WWOX: variants seen among roughly 807,000 people sequenced by gnomAD.
The protein encoded by WWOX is WW domain-containing oxidoreductase.
In WWOX, 69 loss-of-function variants were observed where a neutral mutation model predicts 46.2. The ratio of observed to expected loss-of-function variants is 1.49; its 90% CI spans 1.23 to 1.82. The LOEUF (loss-of-function observed/expected upper bound fraction) is 1.82, where lower values mean the gene tolerates loss of function less well. Ranked by LOEUF, WWOX falls within the 40% of genes most tolerant of loss-of-function variation. The pLI is 0.00. For synonymous variants in WWOX, 359 were observed against 202.6 expected (o/e 1.77, Z -6.56); for missense variants, 919 against 542.6 (o/e 1.69, Z -6.89).
At chr16:78,331,723 G>A (rs1597493473) in intron 5 of WWOX, among the ~76,000 whole-genome samples, 1 of 152,266 alleles carries the variant, frequency 6.6e-6, no homozygotes, top group South Asian at 2.1e-4. Flanking sequence ...ATTCTTAAAT[G>A]CCTCTAGCTG....
chr16:78,422,768 TACACACATATATATATACAC>T (rs2082972793), intron 6 of WWOX, among the ~76,000 whole-genome samples: 1 of 120,812 alleles, frequency 8.3e-6, no homozygotes, highest in Non-Finnish European at 1.6e-5. Context: ...CACATATATA[TACACACATATATATATACAC>T]ACACACATAT....
chr16:78,745,189 T>C (rs1303161457), intron 8 of WWOX, among the ~76,000 whole-genome samples: 4 of 152,226 alleles, frequency 2.6e-5, no homozygotes, highest in Non-Finnish European at 4.4e-5. Flanking sequence ...GCCAGGATCT[T>C]TCCTGGAAGA....
At chr16:78,732,101 T>G (rs576527708) in intron 8 of WWOX, among the ~76,000 whole-genome samples, 6 of 152,208 alleles carry the variant, frequency 3.9e-5, no homozygotes, top group African/African-American at 1.2e-4. Flanking sequence ...TGCCCTCAAA[T>G]GATCCTCCTG....
intron 8 of WWOX, among the ~76,000 whole-genome samples, chr16:78,556,692 G>C (rs1031169367): frequency 6.6e-6 from 1 of 152,104 alleles, no homozygotes; most frequent in Non-Finnish European, 1.5e-5. Context: ...TTTTCCCTGA[G>C]ACCGGCAAAC....
At chr16:78,787,287 G>T (rs1001893582) in intron 8 of WWOX, among the ~76,000 whole-genome samples, 1 of 152,034 alleles carries the variant, frequency 6.6e-6, no homozygotes, top group African/African-American at 2.4e-5. Flanking sequence ...ACCATCCCCC[G>T]CTAAAGAAAC....
At chr16:78,726,660 A>G (rs12446962) in intron 8 of WWOX, among the ~76,000 whole-genome samples, 36,258 of 151,750 alleles carry the variant, frequency 0.24, 4,476 homozygotes, top group South Asian at 0.37. Context: ...CAACTAAACA[A>G]TTTATTAGGG....
chr16:78,278,684 G>C, intron 5 of WWOX: 1 of 1,589,336 alleles, frequency 6.3e-7, no homozygotes, highest in South Asian at 1.1e-5. Flanking sequence ...AAAAGATCTT[G>C]AATAGTCTCA....
intron 8 of WWOX, among the ~76,000 whole-genome samples, chr16:79,048,004 C>A (rs538721486): frequency 1.3e-5 from 2 of 152,036 alleles, no homozygotes; most frequent in African/African-American, 4.8e-5. Flanking sequence ...GAAAATATCC[C>A]TTGTGGTCAA....
intron 5 of WWOX, among the ~76,000 whole-genome samples, chr16:78,276,592 A>T (rs2079583260): frequency 6.6e-6 from 1 of 152,250 alleles, no homozygotes; most frequent in African/African-American, 2.4e-5. Flanking sequence ...TGAATAATTA[A>T]AGAAATAAAC....
intron 8 of WWOX, among the ~76,000 whole-genome samples, chr16:78,824,207 T>C (rs1337008248): frequency 6.6e-6 from 1 of 152,254 alleles, no homozygotes; most frequent in African/African-American, 2.4e-5. Flanking sequence ...TTGCTTTTTA[T>C]AAACAGTCCA....
At chr16:78,887,022 C>G (rs770408725) in intron 8 of WWOX, among the ~76,000 whole-genome samples, 4 of 148,812 alleles carry the variant, frequency 2.7e-5, no homozygotes, top group East Asian at 4.0e-4. Flanking sequence ...AGTCTCAAAC[C>G]TTTTCTGAAA....
Position 79,048,842 on chromosome 16 carries a change from G to A in WWOX, c.1057-162766G>A, listed in dbSNP as rs117175758. Among the ~76,000 whole-genome samples, 1,314 of 152,230 alleles carry A rather than the reference G, an allele frequency of 8.6e-3. 17 individuals are homozygous for A. The highest frequency in any genetic ancestry group is 9.3e-3 in the Non-Finnish European group (632 of 68,018). ...TCACCAGCATTGTAGCTGCCCTGAT[G>A]TTCCGGGCTCAGCTGCAATATAGCA... On this transcript the variant is annotated intron_variant, in intron 8 of 8. Transcript: ENST00000566780.
rs563769342 is a variant in WWOX, at chr16:79,132,553, G to A, written c.1057-79055G>A. Among the ~76,000 whole-genome samples, 11 of 152,190 alleles carry A rather than the reference G, an allele frequency of 7.2e-5. No individual in the cohort carries two copies. The South Asian group carries it at 2.3e-3, about 32-fold the overall frequency. On this transcript the variant is annotated intron_variant, in intron 8 of 8. Transcript: ENST00000566780. ...TATTCTGAGTTTGTTTCTTGATCTC[G>A]ATAGCAGCAACCTTTCCATTTGCTC...
intron 8 of WWOX, among the ~76,000 whole-genome samples, chr16:78,732,105 C>A (rs2048984032): frequency 6.6e-6 from 1 of 152,070 alleles, no homozygotes; most frequent in Non-Finnish European, 1.5e-5. Context: ...CTCAAATGAT[C>A]CTCCTGCCGT....
chr16:78,858,741 C>G (rs2052630602), intron 8 of WWOX, among the ~76,000 whole-genome samples: 1 of 151,884 alleles, frequency 6.6e-6, no homozygotes, highest in African/African-American at 2.4e-5. Context: ...GTGCAGGGCA[C>G]AATCACAGCT....
intron 8 of WWOX, among the ~76,000 whole-genome samples, chr16:79,199,390 G>T (rs1016393972): frequency 6.6e-6 from 1 of 152,116 alleles, no homozygotes; most frequent in African/African-American, 2.4e-5. Context: ...GGGATAATGT[G>T]TGCAGAATTC....
intron 8 of WWOX, among the ~76,000 whole-genome samples, chr16:78,451,115 G>A (rs1468257233): frequency 6.6e-6 from 1 of 152,130 alleles, no homozygotes; most frequent in African/African-American, 2.4e-5. Flanking sequence ...CCAAGCTAAA[G>A]GCTCTGTTGG....
At chr16:78,869,043 C>A (rs2044069035) in intron 8 of WWOX, among the ~76,000 whole-genome samples, 3 of 152,150 alleles carry the variant, frequency 2.0e-5, no homozygotes, top group Admixed American at 2.0e-4. Flanking sequence ...TAAAAATCAC[C>A]TGTAGTCCTA....
chr16:78,273,607 A>C (rs1464963390), intron 5 of WWOX, among the ~76,000 whole-genome samples: 1 of 152,188 alleles, frequency 6.6e-6, no homozygotes, highest in Non-Finnish European at 1.5e-5. Flanking sequence ...ACCTGCTGGG[A>C]AACAACTCTA....
Sources: allele counts gnomAD v4.1 joint callset (sites outside exome capture counted in the v4.1 genomes callset), GRCh38; gene constraint gnomAD v4.1.1; transcripts MANE v1.5; gene names NCBI Gene and HGNC (gene_info 2026-07-23, HGNC 2026-07-21).